The following SUCLG1 variants were observed in gnomAD, a reference collection of about 807,000 sequenced individuals.
SUCLG1 encodes the protein succinate--CoA ligase [ADP/GDP-forming] subunit alpha, mitochondrial.
In SUCLG1, 26 loss-of-function variants were observed where a neutral mutation model predicts 37.3. The observed-to-expected ratio is 0.70, with a 90% CI of 0.51 to 0.97. SUCLG1 has a LOEUF of 0.97. Ranked by LOEUF, SUCLG1 falls within the 50% of genes least tolerant of loss-of-function variation. The pLI is 0.00. For missense variants in SUCLG1, 433 were observed against 432.9 expected, an observed-to-expected ratio of 1.00 and a Z score of 0.00; for synonymous variants, 163 against 155.6, an observed-to-expected ratio of 1.05 and a Z score of -0.36.
Position 84,441,114 on chromosome 2 carries a change from A to C in SUCLG1, c.532-10T>G, listed in dbSNP as rs760853032. ...TTTTACATTCTCCAGGCTGAAAGTA[A>C]TCATAGTTTTCAGAAATGTTAAAAA... is the stretch of plus-strand genomic sequence containing the variant. On this transcript the variant is annotated splice_polypyrimidine_tract_variant and intron_variant, in intron 4 of 8. Transcript: ENST00000393868. 2 of 1,613,810 alleles carry C rather than the reference A, an allele frequency of 1.2e-6. No individual in the cohort carries two copies. Among genetic ancestry groups the C allele is most frequent in the African/African-American group, 1.3e-5 (1 of 74,888 alleles).
Position 84,423,764 on chromosome 2 carries a change from T to C in SUCLG1, c.1023A>G (p.Glu341=). The C allele has an allele frequency of 6.2e-7, 1 of 1,606,238 alleles. No homozygotes were observed. Among genetic ancestry groups the C allele is most frequent in the East Asian group, 2.2e-5 (1 of 44,852 alleles). The change falls in exon 9 of 9, where the codon GAA becomes GAG. Residue 341 remains glutamate (E), a synonymous_variant. Coordinates refer to ENST00000393868, the MANE Select transcript of SUCLG1 (RefSeq NM_003849.4). ...QLGTTIYKEF[E]KRKML is the part of the protein sequence containing the mutation. ...TTTTCTTTCATAGCATCTTCCTCTT[T>C]TCAAATTCCTTCAGAAACAGAAGAG...
chr2:84,429,845 G>A (rs1024224362), intron 7 of SUCLG1, among the ~76,000 whole-genome samples: 69 of 152,256 alleles, frequency 4.5e-4, no homozygotes, highest in African/African-American at 1.6e-3. Context: ...GTAAAGGGGG[G>A]TGGTTGGAGA....
chr2:84,452,094 T>C (rs1672950985), intron 1 of SUCLG1, among the ~76,000 whole-genome samples: 1 of 151,972 alleles, frequency 6.6e-6, no homozygotes, highest in African/African-American at 2.4e-5. Flanking sequence ...AAGTGATGAA[T>C]GACAGTGTCT....
At chr2:84,452,898 C>T (rs933733582) in intron 1 of SUCLG1, among the ~76,000 whole-genome samples, 1 of 152,136 alleles carries the variant, frequency 6.6e-6, no homozygotes, top group Non-Finnish European at 1.5e-5. Context: ...CCATAAGGTT[C>T]GTCTCTTTTT....
intron 1 of SUCLG1, among the ~76,000 whole-genome samples, chr2:84,454,744 C>A (rs958281446): frequency 1.3e-5 from 2 of 152,238 alleles, no homozygotes; most frequent in Admixed American, 1.3e-4. Context: ...CAGCCACATA[C>A]TGGTCCTCTT....
At position 84,431,522 on chromosome 2, in the gene SUCLG1, T is replaced by C. The variant is rs1285536628; in HGVS notation, c.811A>G (p.Lys271Glu). The C allele has an allele frequency of 3.1e-6, 5 of 1,614,030 alleles. No homozygotes were observed. In the South Asian group the frequency reaches 5.5e-5, roughly 18 times the overall value. ...CCCAAACTTACTGAATTATGTTGCT[T>C]CAAAAATTCTGCAGCATTCTCTTCT... Reference protein sequence around the residue: ...NAEENAAEFLKQHNSGPNSKP... With the variant: ...NAEENAAEFLEQHNSGPNSKP... Residue 271 changes from lysine (K) to glutamate (E), a missense_variant, in exon 7 of 9, where the codon AAG (lysine) becomes GAG (glutamate). Physicochemically the swap from Lys to Glu is moderately conservative, Grantham distance 56. Coordinates refer to ENST00000393868, the MANE Select transcript of SUCLG1 (RefSeq NM_003849.4).
intron 1 of SUCLG1, among the ~76,000 whole-genome samples, chr2:84,456,155 C>T (rs116438901): frequency 0.015 from 2,316 of 152,180 alleles, 60 homozygotes; most frequent in African/African-American, 0.053. Flanking sequence ...AACAGGCCTA[C>T]GCACTTGGCA....
chr2:84,457,021 C>A (rs958198331), intron 1 of SUCLG1, among the ~76,000 whole-genome samples: 1 of 152,162 alleles, frequency 6.6e-6, no homozygotes, highest in South Asian at 2.1e-4. Flanking sequence ...CCAGTGTTCA[C>A]TTGAGTTTTT....
At chr2:84,431,403 T>C (rs1573364390) in intron 7 of SUCLG1, 105 bp downstream of exon 7, 6 of 1,480,346 alleles carry the variant, frequency 4.1e-6, no homozygotes, top group Non-Finnish European at 4.7e-6. Flanking sequence ...GTTTTATCTT[T>C]CATGTTTTCT....
intron 2 of SUCLG1, among the ~76,000 whole-genome samples, chr2:84,446,670 T>C (rs185020051): frequency 2.8e-4 from 42 of 149,846 alleles, no homozygotes; most frequent in East Asian, 1.8e-3. Flanking sequence ...TGCAATGAGA[T>C]AAGAGGAAAA....
intron 2 of SUCLG1, among the ~76,000 whole-genome samples, chr2:84,445,293 C>T (rs112071056): frequency 0.053 from 8,074 of 152,242 alleles, 466 homozygotes; most frequent in African/African-American, 0.14. Flanking sequence ...TCCCTCCGTT[C>T]AGGGTTCCTG....
chr2:84,425,698 T>G (rs1486533244), intron 7 of SUCLG1, 95 bp from the exon 8 acceptor site: 24 of 1,414,700 alleles, frequency 1.7e-5, no homozygotes, highest in Non-Finnish European at 2.4e-5. Flanking sequence ...GTAAATGGCT[T>G]GGGCAGGGGA....
At chr2:84,454,562 A>T (rs1434080488) in intron 1 of SUCLG1, among the ~76,000 whole-genome samples, 1 of 152,210 alleles carries the variant, frequency 6.6e-6, no homozygotes, top group Non-Finnish European at 1.5e-5. Flanking sequence ...GGTGAACAAG[A>T]CAGGCTCAGG....
At chr2:84,433,535 A>G in intron 5 of SUCLG1, 100 bp from the exon 6 acceptor site, 1 of 926,120 alleles carries the variant, frequency 1.1e-6, no homozygotes, top group Non-Finnish European at 1.7e-6. Context: ...TAACATAGGT[A>G]TAAAATTCAT....
At chr2:84,445,958 C>T (rs188164509) in intron 2 of SUCLG1, among the ~76,000 whole-genome samples, 5 of 152,264 alleles carry the variant, frequency 3.3e-5, no homozygotes, top group African/African-American at 1.2e-4. Context: ...GAATCCCGTA[C>T]CTGCCTACTT....
chr2:84,431,115 G>A (rs1362207091), intron 7 of SUCLG1, among the ~76,000 whole-genome samples: 1 of 152,176 alleles, frequency 6.6e-6, no homozygotes, highest in Non-Finnish European at 1.5e-5. Flanking sequence ...CAAGGGATAG[G>A]ATCTTTAGGT....
intron 6 of SUCLG1, chr2:84,432,633 A>G (rs1225574288): frequency 6.6e-6 from 1 of 152,246 alleles, no homozygotes; most frequent in Non-Finnish European, 1.5e-5. Flanking sequence ...AATGTTTTCA[A>G]TATTTAATTT....
intron 2 of SUCLG1, among the ~76,000 whole-genome samples, chr2:84,444,095 C>T (rs539986391): frequency 3.9e-5 from 6 of 152,258 alleles, no homozygotes; most frequent in Non-Finnish European, 7.4e-5. Flanking sequence ...TCTCATAATT[C>T]CATCCAGTTA....
chr2:84,449,737 A>G lies in SUCLG1; in HGVS notation c.113T>C (p.Ile38Thr), dbSNP rs1672909095. ...AGAAGCTGTGTAGGAACAATGCCGA[A>G]TTCCATTCTGCGGCACTAAGAGGTT... is the stretch of plus-strand genomic sequence containing the variant. ...SRSFLLPQNGIRHCSYTASRQ... is the reference protein window; with the variant it reads ...SRSFLLPQNGTRHCSYTASRQ... Residue 38 changes from isoleucine (I) to threonine (T), a missense_variant, in exon 2 of 9, where the codon ATT becomes ACT. Coordinates refer to ENST00000393868, the MANE Select transcript of SUCLG1 (RefSeq NM_003849.4). The G allele has an allele frequency of 5.2e-6, 8 of 1,548,256 alleles. No individual in the cohort carries two copies. In the Admixed American group the frequency reaches 5.2e-5, roughly 10 times the overall value.
Sources: allele counts gnomAD v4.1 joint callset (sites outside exome capture counted in the v4.1 genomes callset), GRCh38; gene constraint gnomAD v4.1.1; transcripts MANE v1.5; gene names NCBI Gene and HGNC (gene_info 2026-07-23, HGNC 2026-07-21).